RAB6A: variants seen among roughly 807,000 people sequenced by gnomAD.
The protein encoded by RAB6A is ras-related protein Rab-6A.
A neutral mutation model predicts 32.3 loss-of-function variants in RAB6A; 8 were observed. The observed-to-expected ratio is 0.25, with a 90% confidence interval of 0.15 to 0.45. The LOEUF (loss-of-function observed/expected upper bound fraction) is 0.45. RAB6A is among the 20% of genes least tolerant of loss of function. The pLI, the probability that RAB6A is intolerant of heterozygous loss-of-function variation, is 1.00. For missense variants in RAB6A, 104 were observed against 249.4 expected, an observed-to-expected ratio of 0.42 and a Z score of 3.93; for synonymous variants, 73 against 82.1, an observed-to-expected ratio of 0.89 and a Z score of 0.60.
At chr11:73,751,374 G>A (rs770558073) in intron 1 of RAB6A, among the ~76,000 whole-genome samples, 46 of 152,126 alleles carry the variant, frequency 3.0e-4, no homozygotes, top group Non-Finnish European at 5.9e-4. Flanking sequence ...AAAGTAGAAA[G>A]CAAATGGAAA....
At chr11:73,696,062 C>CA (rs2134894852) in intron 6 of RAB6A, among the ~76,000 whole-genome samples, 1 of 152,234 alleles carries the variant, frequency 6.6e-6, no homozygotes, top group South Asian at 2.1e-4. Flanking sequence ...TACCACCCTT[C>CA]AAAGAGCAAA....
chr11:73,739,341 T>C (rs1328579094), intron 1 of RAB6A, among the ~76,000 whole-genome samples: 1 of 92,150 alleles, frequency 1.1e-5, no homozygotes, highest in African/African-American at 4.1e-5. Flanking sequence ...AAAAGTAAAC[T>C]AAAAAATTTT....
chr11:73,738,020 T>C (rs1040972115), intron 1 of RAB6A, among the ~76,000 whole-genome samples: 3 of 145,268 alleles, frequency 2.1e-5, no homozygotes, highest in African/African-American at 5.1e-5. Context: ...AAAGACCACA[T>C]GTTATTAATA....
intron 6 of RAB6A, among the ~76,000 whole-genome samples, chr11:73,697,656 T>C (rs988219573): frequency 6.6e-6 from 1 of 152,270 alleles, no homozygotes; most frequent in Non-Finnish European, 1.5e-5. Context: ...CCCTACTTCA[T>C]TTTTCTCTAT....
chr11:73,734,809 A>C (rs1002979151), intron 1 of RAB6A, among the ~76,000 whole-genome samples: 1 of 152,180 alleles, frequency 6.6e-6, no homozygotes, highest in Non-Finnish European at 1.5e-5. Context: ...AAACTAAAGG[A>C]GAGTGTCTCT....
chr11:73,704,651 C>T (rs919842586), intron 6 of RAB6A, among the ~76,000 whole-genome samples: 1 of 151,696 alleles, frequency 6.6e-6, no homozygotes, highest in Admixed American at 6.6e-5. Flanking sequence ...TGCCACTGCA[C>T]TCCAGCCTGG....
chr11:73,716,469 C>A, intron 4 of RAB6A, 107 bp from the exon 5 acceptor site: 1 of 650,040 alleles, frequency 1.5e-6, no homozygotes, highest in Non-Finnish European at 2.7e-6. Flanking sequence ...GGGGCTGGCA[C>A]ATTAGTACCC....
chr11:73,690,940 G>C (rs60675864), intron 6 of RAB6A, among the ~76,000 whole-genome samples: 1 of 142,104 alleles, frequency 7.0e-6, no homozygotes, highest in Non-Finnish European at 1.5e-5. Context: ...CAGTAACAAA[G>C]ATTACTGCTT....
At chr11:73,711,426 T>C (rs1191124937) in intron 5 of RAB6A, among the ~76,000 whole-genome samples, 2 of 152,234 alleles carry the variant, frequency 1.3e-5, no homozygotes, top group Admixed American at 6.5e-5. Flanking sequence ...TCCATAGTAA[T>C]ATATACATTC....
chr11:73,730,857 A>T (rs1303346139), intron 1 of RAB6A, 34 bp from the exon 2 acceptor site: 1 of 1,552,108 alleles, frequency 6.4e-7, no homozygotes, highest in African/African-American at 1.4e-5. Context: ...TTGCTCAGTG[A>T]ACACATTACA....
chr11:73,723,718 T>C (rs1470994971), intron 2 of RAB6A, among the ~76,000 whole-genome samples: 2 of 152,160 alleles, frequency 1.3e-5, no homozygotes, highest in East Asian at 1.9e-4. Flanking sequence ...CAAGAATCTA[T>C]GCCCTTGCAA....
At chr11:73,714,229 T>TATATACAC (rs79775489) in intron 5 of RAB6A, among the ~76,000 whole-genome samples, 4 of 117,520 alleles carry the variant, frequency 3.4e-5, no homozygotes, top group African/African-American at 1.2e-4. Flanking sequence ...TATATATATA[T>TATATACAC]ACACACATAT....
chr11:73,708,195 T>C (rs1357172685), intron 5 of RAB6A, among the ~76,000 whole-genome samples: 1 of 152,052 alleles, frequency 6.6e-6, no homozygotes, highest in Non-Finnish European at 1.5e-5. Flanking sequence ...TTTGAGACAG[T>C]TTTGCTCTTG....
rs1946178160 is a variant in RAB6A at position 73,723,891 on chromosome 11, C to T, written c.130-2992G>A. ...CAATAAAGGCTAAGAAAATGACTCTCACCACTCCTACCCACATATCTATAT... is the reference window on the plus strand; with the variant it reads ...CAATAAAGGCTAAGAAAATGACTCTTACCACTCCTACCCACATATCTATAT... On this transcript the variant is annotated intron_variant, in intron 2 of 7. Coordinates refer to ENST00000336083, the MANE Select transcript of RAB6A (RefSeq NM_198896.2). 2.0e-5 allele frequency among the ~76,000 whole-genome samples: 3 copies of T among 152,178 alleles called. No homozygotes were observed. In the South Asian group the frequency reaches 6.2e-4, roughly 31 times the overall value.
At chr11:73,743,753 T>C (rs988969457) in intron 1 of RAB6A, among the ~76,000 whole-genome samples, 4 of 152,300 alleles carry the variant, frequency 2.6e-5, no homozygotes, top group Admixed American at 2.0e-4. Context: ...TACTATGTAC[T>C]TTAGAGGCTC....
At chr11:73,707,035 T>C (rs1338425666) in intron 6 of RAB6A, among the ~76,000 whole-genome samples, 1 of 151,250 alleles carries the variant, frequency 6.6e-6, no homozygotes, top group Non-Finnish European at 1.5e-5. Flanking sequence ...GGAGAGCTGC[T>C]TGAACCCAGG....
At chr11:73,718,786 T>G (rs1946089681) in intron 3 of RAB6A, 68 bp from the exon 4 acceptor site, 1 of 1,614,052 alleles carries the variant, frequency 6.2e-7, no homozygotes, top group East Asian at 2.2e-5. Flanking sequence ...TATACCTACT[T>G]GTGATATCGT....
chr11:73,689,752 C>T (rs1945515975), intron 6 of RAB6A, among the ~76,000 whole-genome samples: 1 of 152,106 alleles, frequency 6.6e-6, no homozygotes, highest in Non-Finnish European at 1.5e-5. Context: ...TCTTATGTTT[C>T]CCTAAAATGT....
At chr11:73,701,052 T>C (rs1246111120) in intron 6 of RAB6A, among the ~76,000 whole-genome samples, 3 of 152,200 alleles carry the variant, frequency 2.0e-5, no homozygotes, top group Non-Finnish European at 4.4e-5. Context: ...TGAAAGCCCA[T>C]TTTTAAGCTT....
Sources: gnomAD v4.1 joint callset for allele counts (sites outside exome capture counted in the v4.1 genomes callset) on GRCh38, gnomAD v4.1.1 for gene constraint, MANE v1.5 for transcripts, NCBI Gene and HGNC (gene_info 2026-07-23, HGNC 2026-07-21) for gene names.